Variants in ZUP1 observed in about 807,000 individuals in gnomAD.
ZUP1 encodes the protein zinc finger-containing ubiquitin peptidase 1.
ZUP1 carries 55 observed loss-of-function variants against 68.1 expected under a neutral mutation model. That is an observed-to-expected ratio of 0.81 (90% CI 0.65 to 1.01). ZUP1 has a LOEUF of 1.01. ZUP1 is among the 50% of genes least tolerant of loss of function. The pLI, the probability that ZUP1 is intolerant of heterozygous loss-of-function variation, is 0.00. For missense variants in ZUP1, 684 were observed against 674.9 expected, an observed-to-expected ratio of 1.01 and a Z score of -0.15; for synonymous variants, 223 against 221.5, an observed-to-expected ratio of 1.01 and a Z score of -0.06.
At chr6:116,663,652 G>A (rs1414457559) in intron 2 of ZUP1, among the ~76,000 whole-genome samples, 3 of 152,094 alleles carry the variant, frequency 2.0e-5, no homozygotes, top group African/African-American at 4.8e-5. Context: ...ATTAAAATTC[G>A]TTAACAGGCC....
At position 116,645,728 on chromosome 6, in the gene ZUP1, G is replaced by C. The variant is rs771059711; in HGVS notation, c.1675C>G (p.Leu559Val). Residue 559 changes from leucine (L) to valine (V), a missense_variant, in exon 9 of 10, where the codon CTA (leucine) becomes GTA (valine). Transcript: ENST00000368576. ...TAGATACTTACAAGTTTCTCCTCTA[G>C]AGAAAGAGCACCCTCTACTGCCAAT... is the stretch of plus-strand genomic sequence containing the variant. The part of the protein sequence containing the change: ...QILAVEGALS[L>V]EEKLARRQAS... 5 of 1,609,920 alleles carry C rather than the reference G, an allele frequency of 3.1e-6. No homozygotes were observed. The highest frequency in any genetic ancestry group is 4.5e-5 in the East Asian group (2 of 44,782).
chr6:116,649,720 A>G (rs1776421296), intron 7 of ZUP1, among the ~76,000 whole-genome samples: 1 of 152,216 alleles, frequency 6.6e-6, no homozygotes, highest in Non-Finnish European at 1.5e-5. Context: ...GAGTTCCCCA[A>G]CCAAATAGTA....
Position 116,667,156 on chromosome 6 carries a change from A to G in ZUP1, c.37T>C (p.Ser13Pro). 1 of 1,602,458 alleles carries G rather than the reference A, an allele frequency of 6.2e-7. No individual in the cohort carries two copies. The highest frequency in any genetic ancestry group is 2.2e-5 in the East Asian group (1 of 44,604). ...AGGTGAGCTTTCATGTCTGGTTCTG[A>G]GGTTACTGTTTCACCACAAATATTA... ...SCNICGETVT[S>P]EPDMKAHLIV... Residue 13 changes from serine (S) to proline (P), a missense_variant, in exon 2 of 10, where the codon TCA (serine) becomes CCA (proline). Coordinates refer to ENST00000368576, the MANE Select transcript of ZUP1 (RefSeq NM_145062.3).
rs1395675849 is a variant in ZUP1 at position 116,668,717 on chromosome 6, C to G, written c.-167G>C. ...CAATACGCAGAGTTTCACAGTTAAC[C>G]GAGGAAAGAATTAGGAACTTCCAAC... On this transcript the variant is annotated 5_prime_UTR_variant, in exon 1 of 10. Transcript: ENST00000368576. 2.0e-5 allele frequency: 3 copies of G among 152,236 alleles called. No homozygotes were observed. The highest frequency in any genetic ancestry group is 7.2e-5 in the African/African-American group (3 of 41,444). 9.4% of individuals were successfully genotyped at this position (152,236 alleles called of 1,614,324 possible).
chr6:116,636,103 A>G (rs1393820208), intron 9 of ZUP1, among the ~76,000 whole-genome samples: 1 of 152,202 alleles, frequency 6.6e-6, no homozygotes, highest in East Asian at 1.9e-4. Flanking sequence ...ACAGTATGAA[A>G]TAGAAAATGT....
intron 5 of ZUP1, among the ~76,000 whole-genome samples, chr6:116,652,459 T>C (rs1331756708): frequency 6.6e-6 from 1 of 152,192 alleles, no homozygotes; most frequent in Admixed American, 6.5e-5. Flanking sequence ...GTTGAATGAA[T>C]GTTCTTCTTG....
intron 6 of ZUP1, 133 bp from the exon 7 acceptor site, chr6:116,651,870 T>G (rs898022496): frequency 3.8e-5 from 54 of 1,407,354 alleles, no homozygotes; most frequent in Non-Finnish European, 4.8e-5. Flanking sequence ...TCATTTTCTC[T>G]TCCTCTAACC....
intron 9 of ZUP1, among the ~76,000 whole-genome samples, chr6:116,644,800 T>C (rs1314535367): frequency 6.6e-6 from 1 of 151,394 alleles, no homozygotes; most frequent in Admixed American, 6.6e-5. Context: ...GTAACTAACC[T>C]GCACATTGTG....
At chr6:116,641,514 T>G (rs1321633683) in intron 9 of ZUP1, among the ~76,000 whole-genome samples, 1 of 151,684 alleles carries the variant, frequency 6.6e-6, no homozygotes, top group Admixed American at 6.6e-5. Flanking sequence ...GCAAGCAAAC[T>G]AGAACTCAGG....
intron 7 of ZUP1, among the ~76,000 whole-genome samples, chr6:116,649,307 C>A (rs1776408003): frequency 6.6e-6 from 1 of 151,730 alleles, no homozygotes; most frequent in Non-Finnish European, 1.5e-5. Context: ...GCAAACATTC[C>A]ATTAAACACG....
In ZUP1 at chr6:116,644,890, G is replaced by C. The variant is rs1009447620; in HGVS notation, c.1689+824C>G. Among the ~76,000 whole-genome samples the C allele has an allele frequency of 5.9e-5, 9 of 151,520 alleles. No homozygotes were observed. The East Asian group carries it at 1.7e-3, about 29-fold the overall frequency. ...AAAAGAAGAAGAAGAAGAAGAAAGA[G>C]GAGGAGGAGGTGAAAAGAAAAAATC... On this transcript the variant is annotated intron_variant, in intron 9 of 9. Coordinates refer to ENST00000368576, the MANE Select transcript of ZUP1 (RefSeq NM_145062.3).
At chr6:116,642,667 G>C (rs908471541) in intron 9 of ZUP1, among the ~76,000 whole-genome samples, 5 of 152,114 alleles carry the variant, frequency 3.3e-5, no homozygotes, top group African/African-American at 1.2e-4. Context: ...CAATAAATTA[G>C]GTATTCATGG....
intron 2 of ZUP1, among the ~76,000 whole-genome samples, chr6:116,666,179 T>C (rs1583382501): frequency 6.6e-6 from 1 of 152,112 alleles, no homozygotes; most frequent in East Asian, 1.9e-4. Flanking sequence ...AGAATACACT[T>C]TTTTTTCCCA....
chr6:116,654,804 C>A (rs1776616726), intron 5 of ZUP1, among the ~76,000 whole-genome samples: 1 of 152,064 alleles, frequency 6.6e-6, no homozygotes, highest in African/African-American at 2.4e-5. Flanking sequence ...CAGGAGTAAT[C>A]CAGAAAATGC....
intron 7 of ZUP1, among the ~76,000 whole-genome samples, chr6:116,651,045 G>C (rs1776474560): frequency 1.3e-5 from 2 of 152,204 alleles, no homozygotes; most frequent in African/African-American, 2.4e-5. Context: ...AGAATAAGGA[G>C]AGCCTCAGAT....
At position 116,644,631 on chromosome 6, in the gene ZUP1, T is replaced by C. The variant is rs568653549; in HGVS notation, c.1689+1083A>G. On this transcript the variant is annotated intron_variant, in intron 9 of 9. Transcript: ENST00000368576. ...GCATGTTCTCACTCATAGATGGGAA[T>C]TGAACAATGAGAACACATGGACACA... is the stretch of plus-strand genomic sequence containing the variant. Among the ~76,000 whole-genome samples the C allele has an allele frequency of 2.6e-3, 391 of 151,564 alleles. 1 individual carries two copies. Among genetic ancestry groups the C allele is most frequent in the African/African-American group, 9.1e-3 (377 of 41,206 alleles).
intron 8 of ZUP1, 39 bp from the exon 9 acceptor site, chr6:116,645,973 A>T: frequency 7.2e-7 from 1 of 1,397,898 alleles, no homozygotes; most frequent in Non-Finnish European, 1.0e-6. Flanking sequence ...CGTCACATCT[A>T]TTTACAGTTA....
At chr6:116,645,125 AAAATTAAATT>A (rs550067364) in intron 9 of ZUP1, among the ~76,000 whole-genome samples, 2 of 145,518 alleles carry the variant, frequency 1.4e-5, no homozygotes, top group African/African-American at 4.9e-5. Context: ...AAAATGCAAA[AAAATTAAATT>A]AAATTAAATT....
At position 116,666,968 on chromosome 6, in the gene ZUP1, G is replaced by T. The variant is rs762036306; in HGVS notation, c.225C>A (p.Asn75Lys). The T allele has an allele frequency of 6.2e-7, 1 of 1,613,486 alleles. No homozygotes were observed. The highest frequency in any genetic ancestry group is 8.5e-7 in the Non-Finnish European group (1 of 1,179,822). ...CACACTGTAGGGTGTTGTCTTTCTT[G>T]TTATCTGAAGTTCCATATTGTACTG... is the stretch of plus-strand genomic sequence containing the variant. The part of the protein sequence containing the change: ...INTVQYGTSD[N>K]KKDNTLQCGM... Residue 75 changes from asparagine to lysine, a missense_variant, in exon 2 of 10, where the codon AAC becomes AAA. Asn to Lys is a moderately conservative substitution (Grantham distance 94). Transcript: ENST00000368576.
Sources: allele counts gnomAD v4.1 joint callset (sites outside exome capture counted in the v4.1 genomes callset), GRCh38; gene constraint gnomAD v4.1.1; transcripts MANE v1.5; gene names NCBI Gene and HGNC (gene_info 2026-07-23, HGNC 2026-07-21).